The following GPM6A variants were observed in gnomAD, a reference collection of about 807,000 sequenced individuals.
GPM6A encodes the protein glycoprotein M6A, also known as neuronal membrane glycoprotein M6-a.
Under a neutral mutation model 32.1 loss-of-function variants are expected in GPM6A, and 7 were observed. That is an observed-to-expected ratio of 0.22 (90% CI 0.12 to 0.41). GPM6A has a LOEUF of 0.41. Ranked by LOEUF, GPM6A falls within the 10% of genes least tolerant of loss-of-function variation. The pLI is 1.00. For missense variants in GPM6A, 235 were observed against 347.2 expected (o/e 0.68, Z 2.57); for synonymous variants, 130 against 123.4 (o/e 1.05, Z -0.35).
chr4:175,837,417 G>A (rs1335113033), intron 1 of GPM6A, among the ~76,000 whole-genome samples: 3 of 152,302 alleles, frequency 2.0e-5, no homozygotes, highest in East Asian at 1.9e-4. Context: ...AGCAGGCTGC[G>A]CTGTTGAGAA....
At position 175,683,957 on chromosome 4, in the gene GPM6A, G is replaced by A. The variant is rs574981029; in HGVS notation, c.231-10121C>T. On this transcript the variant is annotated intron_variant, in intron 2 of 6. Coordinates refer to ENST00000393658, the MANE Select transcript of GPM6A (RefSeq NM_201591.3). The stretch of plus-strand genomic sequence containing the variant: ...AGCAATTCTCCTGTCTCAGCCTCCC[G>A]AATTGCTGGGATTACAGCCGTGCAC... Among the ~76,000 whole-genome samples, 12 of 151,454 alleles carry A rather than the reference G, an allele frequency of 7.9e-5. No homozygotes were observed. In the East Asian group the frequency reaches 1.4e-3, roughly 17 times the overall value.
chr4:175,935,788 A>G (rs1011358215), intron 1 of GPM6A, among the ~76,000 whole-genome samples: 1 of 152,098 alleles, frequency 6.6e-6, no homozygotes, highest in African/African-American at 2.4e-5. Context: ...TTTGTAAAAC[A>G]TAACAAGCAA....
At chr4:175,696,613 A>G (rs138971956) in intron 2 of GPM6A, among the ~76,000 whole-genome samples, 1 of 152,320 alleles carries the variant, frequency 6.6e-6, no homozygotes, top group Non-Finnish European at 1.5e-5. Flanking sequence ...AAGAATAATC[A>G]ATAATCATAC....
chr4:175,795,436 T>A (rs1372647311), intron 1 of GPM6A, among the ~76,000 whole-genome samples: 1 of 152,160 alleles, frequency 6.6e-6, no homozygotes, highest in East Asian at 1.9e-4. Flanking sequence ...AAGGAAATGT[T>A]CCTTCCAAGA....
chr4:175,966,650 G>C (rs1463397816), intron 1 of GPM6A, among the ~76,000 whole-genome samples: 1 of 151,640 alleles, frequency 6.6e-6, no homozygotes, highest in Non-Finnish European at 1.5e-5. Context: ...ATGAAGAAGA[G>C]GACACTCACC....
intron 1 of GPM6A, among the ~76,000 whole-genome samples, chr4:175,728,189 G>A (rs1378808829): frequency 6.6e-6 from 1 of 151,934 alleles, no homozygotes; most frequent in Non-Finnish European, 1.5e-5. Flanking sequence ...TAGAGAGAAT[G>A]AAACATAAAT....
chr4:175,675,993 G>A (rs1743345282), intron 2 of GPM6A, among the ~76,000 whole-genome samples: 1 of 152,120 alleles, frequency 6.6e-6, no homozygotes, highest in Non-Finnish European at 1.5e-5. Flanking sequence ...CCCACCGGGA[G>A]GTAGGTGAAT....
rs750514227 is a variant in GPM6A at position 175,931,829 on chromosome 4, A to T, written c.-23+70480T>A. 3.7e-4 allele frequency among the ~76,000 whole-genome samples: 57 copies of T among 152,074 alleles called. 1 individual carries two copies. The highest frequency in any genetic ancestry group is 8.1e-4 in the Non-Finnish European group (55 of 68,012). On this transcript the variant is annotated intron_variant, in intron 1 of 7. Transcript: ENST00000280187. Reference sequence around the variant, plus strand: ...GCTGGACATGGTGGCTTATGCCTATAATCCCAGCATTTTGGGAGGCCAAGA... The same window carrying T: ...GCTGGACATGGTGGCTTATGCCTATTATCCCAGCATTTTGGGAGGCCAAGA...
intron 1 of GPM6A, among the ~76,000 whole-genome samples, chr4:175,721,929 T>C (rs1439348114): frequency 6.6e-6 from 1 of 152,162 alleles, no homozygotes; most frequent in Non-Finnish European, 1.5e-5. Flanking sequence ...CAGTGATCTG[T>C]AGTAACTTTC....
intron 2 of GPM6A, among the ~76,000 whole-genome samples, chr4:175,698,080 G>A (rs891238575): frequency 1.3e-5 from 2 of 152,134 alleles, no homozygotes; most frequent in African/African-American, 4.8e-5. Flanking sequence ...AAGGGAGATA[G>A]TGGAGAGAGG....
intron 1 of GPM6A, among the ~76,000 whole-genome samples, chr4:175,820,414 C>T (rs553422538): frequency 3.4e-4 from 51 of 151,752 alleles, no homozygotes; most frequent in Non-Finnish European, 6.8e-4. Context: ...TATGTGTGTG[C>T]ATGCATATGT....
intron 1 of GPM6A, among the ~76,000 whole-genome samples, chr4:175,810,566 T>A (rs1216836080): frequency 6.6e-6 from 1 of 152,198 alleles, no homozygotes; most frequent in Non-Finnish European, 1.5e-5. Context: ...TCATTTTTCT[T>A]GGTTCCCGCA....
intron 1 of GPM6A, among the ~76,000 whole-genome samples, chr4:175,897,527 A>G (rs1737834076): frequency 6.6e-6 from 1 of 152,176 alleles, no homozygotes. Context: ...AGAATTCTCA[A>G]TACAACATAG....
intron 2 of GPM6A, among the ~76,000 whole-genome samples, chr4:175,684,147 A>G (rs1216737529): frequency 6.6e-6 from 1 of 152,132 alleles, no homozygotes; most frequent in Admixed American, 6.5e-5. Flanking sequence ...TTTAATATAT[A>G]TACATTATTC....
At chr4:175,956,486 C>T (rs1200011953) in intron 1 of GPM6A, among the ~76,000 whole-genome samples, 1 of 152,072 alleles carries the variant, frequency 6.6e-6, no homozygotes, top group Non-Finnish European at 1.5e-5. Context: ...CTGGTAAGTA[C>T]AGTTTTACAG....
At chr4:175,886,450 C>T (rs1377788977) in intron 1 of GPM6A, among the ~76,000 whole-genome samples, 1 of 152,082 alleles carries the variant, frequency 6.6e-6, no homozygotes, top group Non-Finnish European at 1.5e-5. Flanking sequence ...TATAGACTAA[C>T]CAACCCTGAA....
intron 1 of GPM6A, among the ~76,000 whole-genome samples, chr4:175,709,655 G>A (rs1487358594): frequency 1.3e-5 from 2 of 149,662 alleles, no homozygotes; most frequent in Non-Finnish European, 3.0e-5. Flanking sequence ...TTGAACCCGG[G>A]AGGTGGAAGT....
At chr4:175,892,833 TA>T (rs1465595151) in intron 1 of GPM6A, among the ~76,000 whole-genome samples, 1 of 152,320 alleles carries the variant, frequency 6.6e-6, no homozygotes, top group East Asian at 1.9e-4. Context: ...GATTTTTACC[TA>T]TATTGTTCTG....
intron 1 of GPM6A, among the ~76,000 whole-genome samples, chr4:175,729,539 G>A (rs941704799): frequency 1.3e-5 from 2 of 151,936 alleles, no homozygotes; most frequent in Admixed American, 1.3e-4. Flanking sequence ...TAGCACAAAA[G>A]GATGACTACA....
Sources: allele counts gnomAD v4.1 joint callset (sites outside exome capture counted in the v4.1 genomes callset), GRCh38; gene constraint gnomAD v4.1.1; transcripts MANE v1.5; gene names NCBI Gene and HGNC (gene_info 2026-07-23, HGNC 2026-07-21).